The following CLHC1 variants were observed in gnomAD, a reference collection of about 807,000 sequenced individuals.
CLHC1 encodes clathrin heavy chain linker domain-containing protein 1.
A neutral mutation model predicts 69.5 loss-of-function variants in CLHC1; 72 were observed. The observed-to-expected ratio is 1.04, with a 90% CI of 0.86 to 1.26. The LOEUF (loss-of-function observed/expected upper bound fraction) is 1.26. Ranked by LOEUF, CLHC1 falls within the 50% of genes most tolerant of loss-of-function variation. The probability of loss-of-function intolerance (pLI) is 0.00; values close to 1 mark genes in which losing one functional copy is unlikely to be tolerated. For synonymous variants in CLHC1, 223 were observed against 224.3 expected (o/e 0.99, Z 0.05); for missense variants, 790 against 679.3 (o/e 1.16, Z -1.81).
At chr2:55,179,319 C>T (rs1271301203) in intron 11 of CLHC1, among the ~76,000 whole-genome samples, 2 of 151,898 alleles carry the variant, frequency 1.3e-5, no homozygotes, top group Non-Finnish European at 2.9e-5. Context: ...ATTTTTGCAT[C>T]TATAAAATGG....
chr2:55,195,352 T>A (rs1671310934), intron 9 of CLHC1, among the ~76,000 whole-genome samples: 1 of 152,164 alleles, frequency 6.6e-6, no homozygotes, highest in Non-Finnish European at 1.5e-5. Flanking sequence ...TGTTGTTGTA[T>A]CTGATGAAAG....
At position 55,209,635 on chromosome 2, in the gene CLHC1, C is replaced by A. The variant is rs1433974659; in HGVS notation, c.696G>T (p.Gln232His). The change falls in exon 6 of 13, where the codon CAG (glutamine) becomes CAT (histidine). Residue 232 changes from glutamine to histidine, a missense_variant. Physicochemically the swap from Gln to His is conservative, Grantham distance 24. Transcript: ENST00000401408. The stretch of plus-strand genomic sequence containing the variant: ...CATATAATCAACTTCCATACCAAAA[C>A]TGCAATTTTTTGTTCAGATTTTCAG... ...DVAENLNKKL[Q>H]FCHQRLQIIS... 1.2e-6 allele frequency: 2 copies of A among 1,613,592 alleles called. No individual in the cohort carries two copies. The highest frequency in any genetic ancestry group is 1.3e-5 in the African/African-American group (1 of 74,908).
intron 8 of CLHC1, chr2:55,206,966 T>C (rs1573702917): frequency 7.0e-6 from 1 of 143,346 alleles, no homozygotes; most frequent in African/African-American, 2.6e-5. Context: ...AAAAAAAAAA[T>C]TAGCCAGGCG....
rs150729882 is a variant in CLHC1 at position 55,180,772 on chromosome 2, G to A, written c.1182-60C>T. 452 of 1,365,162 alleles carry A rather than the reference G, an allele frequency of 3.3e-4. No individual in the cohort carries two copies. In the African/African-American group the frequency reaches 6.2e-3, roughly 19 times the overall value. 84.6% of individuals were successfully genotyped at this position (1,365,162 alleles called of 1,614,324 possible). A position where few individuals can be genotyped will look rare whatever the true frequency, so the allele number is the denominator to read the frequency against. ...AAATTCCTGATGAGTGGCTGAGACT[G>A]AAATATTTGAAAATTCAGCACAGTA... On this transcript the variant is annotated intron_variant, in intron 10 of 12. Transcript: ENST00000401408.
chr2:55,226,752 C>A (rs968554396), intron 2 of CLHC1, among the ~76,000 whole-genome samples: 1 of 152,240 alleles, frequency 6.6e-6, no homozygotes, highest in African/African-American at 2.4e-5. Flanking sequence ...CTGCCTTAGC[C>A]TCCCGAGTAG....
intron 5 of CLHC1, among the ~76,000 whole-genome samples, chr2:55,211,174 TATTC>T (rs1247794936): frequency 6.6e-6 from 1 of 152,104 alleles, no homozygotes; most frequent in African/African-American, 2.4e-5. Context: ...ATATGTATCT[TATTC>T]GTCATTTGCT....
At chr2:55,224,870 G>T in intron 2 of CLHC1, 1 of 232,308 alleles carries the variant, frequency 4.3e-6, no homozygotes, top group Non-Finnish European at 9.3e-6. Flanking sequence ...GGGTCAACTG[G>T]CAGCACCCTG....
At position 55,174,937 on chromosome 2, in the gene CLHC1, A is replaced by G. The variant is rs1365667260; in HGVS notation, c.*853T>C. On this transcript the variant is annotated 3_prime_UTR_variant, in exon 13 of 13. Transcript: ENST00000401408. ...CAGCAGCTCATTTTAACCATGTTCC[A>G]TGGTCAAGGATGACATTTAGCTAGT... is the stretch of plus-strand genomic sequence containing the variant. 2 of 152,180 alleles carry G rather than the reference A, an allele frequency of 1.3e-5. No homozygotes were observed. The highest frequency in any genetic ancestry group is 2.9e-5 in the Non-Finnish European group (2 of 68,040). 9.4% of individuals were successfully genotyped at this position (152,180 alleles called of 1,614,324 possible). A position where few individuals can be genotyped will look rare whatever the true frequency, so the allele number is the denominator to read the frequency against.
In CLHC1 at chr2:55,206,262, A is replaced by C. The variant is rs764388231; in HGVS notation, c.1006+8T>G. The C allele has an allele frequency of 9.4e-6, 14 of 1,497,274 alleles. No individual in the cohort carries two copies. The South Asian group carries it at 1.6e-4, about 17-fold the overall frequency. 92.7% of individuals were successfully genotyped at this position (1,497,274 alleles called of 1,614,324 possible). ...ATACATATATAAGGTTCAGAGAGAA[A>C]TGCTTACCCTTAAATGTATTCATTG... On this transcript the variant is annotated splice_region_variant and intron_variant, in intron 9 of 12. Transcript: ENST00000401408.
intron 9 of CLHC1, among the ~76,000 whole-genome samples, chr2:55,199,026 G>A (rs1215243106): frequency 6.6e-6 from 1 of 152,124 alleles, no homozygotes; most frequent in Admixed American, 6.6e-5. Context: ...GCCAGGTGCA[G>A]TGGCTCATGC....
intron 1 of CLHC1, among the ~76,000 whole-genome samples, chr2:55,231,179 G>A (rs1185482372): frequency 1.2e-4 from 18 of 151,864 alleles, no homozygotes; most frequent in African/African-American, 4.4e-4. Context: ...GAACCTGGGA[G>A]GCGGAGTTTA....
intron 9 of CLHC1, among the ~76,000 whole-genome samples, chr2:55,202,875 G>A (rs1672092589): frequency 6.7e-6 from 1 of 149,458 alleles, no homozygotes; most frequent in Non-Finnish European, 1.5e-5. Flanking sequence ...CTCCAGCCTG[G>A]GTGACAGAGT....
intron 9 of CLHC1, among the ~76,000 whole-genome samples, chr2:55,199,388 T>C (rs987657037): frequency 6.8e-6 from 1 of 148,132 alleles, no homozygotes; most frequent in Non-Finnish European, 1.5e-5. Flanking sequence ...AAATTAAAGG[T>C]ACAAAACTCA....
chr2:55,204,220 G>C (rs1266181041), intron 9 of CLHC1, among the ~76,000 whole-genome samples: 1 of 152,136 alleles, frequency 6.6e-6, no homozygotes, highest in African/African-American at 2.4e-5. Context: ...GGAGGCGGAG[G>C]TTGTGGTGAG....
intron 4 of CLHC1, among the ~76,000 whole-genome samples, chr2:55,216,806 A>C (rs1673558464): frequency 6.6e-6 from 1 of 152,092 alleles, no homozygotes; most frequent in Admixed American, 6.6e-5. Flanking sequence ...TACAGGTGTG[A>C]GCCACCCTGT....
At chr2:55,184,061 G>T (rs1426756648) in intron 9 of CLHC1, among the ~76,000 whole-genome samples, 1 of 151,298 alleles carries the variant, frequency 6.6e-6, no homozygotes, top group Non-Finnish European at 1.5e-5. Flanking sequence ...TTACAGGCGT[G>T]AGCTACCATG....
chr2:55,194,755 A>C (rs1010086039), intron 9 of CLHC1, among the ~76,000 whole-genome samples: 2 of 152,174 alleles, frequency 1.3e-5, no homozygotes, highest in Admixed American at 1.3e-4. Flanking sequence ...TAAAAATAGA[A>C]ACTGTATATC....
chr2:55,222,918 C>CAAAAA lies in CLHC1; in HGVS notation c.-82-430_-82-426dup, dbSNP rs59113625. The stretch of plus-strand genomic sequence containing the variant: ...CTGGGCAACAAGAGCGAAACTGTCT[C>CAAAAA]AAAAAAAAAAAAAAAAAAAAAAAAG... On this transcript the variant is annotated intron_variant, in intron 2 of 12. Transcript: ENST00000401408. Among the ~76,000 whole-genome samples the CAAAAA allele has an allele frequency of 1.8e-3, 123 of 68,540 alleles. 5 individuals are homozygous for CAAAAA. The highest frequency in any genetic ancestry group is 6.6e-3 in the African/African-American group (117 of 17,794). The allele number at this position is 68,540 out of a possible 152,430, so 45.0% of individuals were successfully genotyped here. A position where few individuals can be genotyped will look rare whatever the true frequency, so the allele number is the denominator to read the frequency against.
At chr2:55,197,142 G>T (rs1489852044) in intron 9 of CLHC1, among the ~76,000 whole-genome samples, 2 of 152,134 alleles carry the variant, frequency 1.3e-5, no homozygotes, top group Admixed American at 1.3e-4. Flanking sequence ...AAATAGGAAG[G>T]ACTTTGTCTT....
Sources: gnomAD v4.1 joint callset for allele counts (sites outside exome capture counted in the v4.1 genomes callset) on GRCh38, gnomAD v4.1.1 for gene constraint, MANE v1.5 for transcripts, NCBI Gene and HGNC (gene_info 2026-07-23, HGNC 2026-07-21) for gene names.